The following FAM133B variants were observed in gnomAD, a reference collection of about 807,000 sequenced individuals.
FAM133B encodes family with sequence similarity 133 member B.
FAM133B carries 25 observed loss-of-function variants against 46.4 expected under a neutral mutation model. The ratio of observed to expected loss-of-function variants is 0.54; its 90% CI spans 0.39 to 0.75. The LOEUF (loss-of-function observed/expected upper bound fraction) is 0.75, where lower values mean the gene tolerates loss of function less well. Ranked by LOEUF, FAM133B falls within the 30% of genes least tolerant of loss-of-function variation. The probability of loss-of-function intolerance (pLI) is 0.00; values close to 1 mark genes in which losing one functional copy is unlikely to be tolerated. For synonymous variants in FAM133B, 75 were observed against 86.0 expected (o/e 0.87, Z 0.71); for missense variants, 205 against 277.6 (o/e 0.74, Z 1.86).
chr7:92,575,637 T>G (rs1329942057), intron 8 of FAM133B, 134 bp downstream of exon 8: 3 of 438,546 alleles, frequency 6.8e-6, no homozygotes, highest in Non-Finnish European at 1.2e-5. Flanking sequence ...AATTAAAAAT[T>G]GCTTTAAATT....
At chr7:92,588,758 T>C (rs1416114707) in intron 1 of FAM133B, among the ~76,000 whole-genome samples, 1 of 152,148 alleles carries the variant, frequency 6.6e-6, no homozygotes, top group Non-Finnish European at 1.5e-5. Context: ...TCCCCAGCAC[T>C]GCATAGAGAT....
intron 1 of FAM133B, 124 bp downstream of exon 1, chr7:92,590,144 G>C (rs1795156958): frequency 6.9e-7 from 1 of 1,453,926 alleles, no homozygotes; most frequent in African/African-American, 1.4e-5. Context: ...AGGGTGCTGG[G>C]TCTCCAGGCC....
chr7:92,581,905 C>T (rs1047337463), intron 1 of FAM133B: 3 of 254,120 alleles, frequency 1.2e-5, no homozygotes, highest in African/African-American at 2.3e-5. Flanking sequence ...TCTCCTAAAG[C>T]CCAGTAACCC....
chr7:92,571,497 T>C (rs953747182), intron 8 of FAM133B, among the ~76,000 whole-genome samples: 7 of 152,194 alleles, frequency 4.6e-5, no homozygotes, highest in Non-Finnish European at 1.0e-4. Context: ...ATTTGAAATA[T>C]ATGGTCAAAA....
chr7:92,568,643 T>C (rs1357478781), intron 9 of FAM133B, among the ~76,000 whole-genome samples: 1 of 151,582 alleles, frequency 6.6e-6, no homozygotes, highest in East Asian at 1.9e-4. Context: ...GCTGGGATTA[T>C]AAGCACGAGC....
chr7:92,579,176 G>C (rs74591953), intron 3 of FAM133B, 141 bp downstream of exon 3: 101 of 621,578 alleles, frequency 1.6e-4, no homozygotes, highest in African/African-American at 8.5e-4. Flanking sequence ...AGGGCGGCGG[G>C]GGGGGGCCTT....
At chr7:92,566,784 C>T (rs755549313) in intron 9 of FAM133B, among the ~76,000 whole-genome samples, 1 of 152,208 alleles carries the variant, frequency 6.6e-6, no homozygotes, top group Non-Finnish European at 1.5e-5. Flanking sequence ...TTCTCTCACT[C>T]TATGGTGCTC....
rs113560614 is a variant in FAM133B, at chr7:92,579,173, CGGGG to C, written c.201+140_201+143del. On this transcript the variant is annotated intron_variant, in intron 3 of 10. Coordinates refer to ENST00000445716, the MANE Select transcript of FAM133B (RefSeq NM_152789.4). ...TTTTTTTTAATGGAGACAAGGGCGG[CGGGG>C]GGGGGCCTTACTTTGTTGCCCAGGC... is the stretch of plus-strand genomic sequence containing the variant. The C allele has an allele frequency of 7.2e-5, 44 of 610,862 alleles. 1 individual carries two copies. The highest frequency in any genetic ancestry group is 5.1e-4 in the African/African-American group (26 of 51,122). 37.8% of individuals were successfully genotyped at this position (610,862 alleles called of 1,614,324 possible). A position where few individuals can be genotyped will look rare whatever the true frequency, so the allele number is the denominator to read the frequency against.
Position 92,562,263 on chromosome 7 carries a change from A to G in FAM133B, c.*19T>C. 1 of 1,519,810 alleles carries G rather than the reference A, an allele frequency of 6.6e-7. No homozygotes were observed. The highest frequency in any genetic ancestry group is 8.8e-7 in the Non-Finnish European group (1 of 1,142,520). The allele number at this position is 1,519,810 out of a possible 1,614,324, so 94.1% of individuals were successfully genotyped here. A position where few individuals can be genotyped will look rare whatever the true frequency, so the allele number is the denominator to read the frequency against. On this transcript the variant is annotated 3_prime_UTR_variant, in exon 11 of 11. Transcript: ENST00000445716. ...GACATTGCACTTTCTTTATAAGGGA[A>G]TCCTGATTTTTCTTAATGTTATGGT... is the stretch of plus-strand genomic sequence containing the variant.
intron 7 of FAM133B, among the ~76,000 whole-genome samples, chr7:92,576,626 T>C (rs1794704683): frequency 6.6e-6 from 1 of 152,182 alleles, no homozygotes; most frequent in Non-Finnish European, 1.5e-5. Context: ...ACTCTGGAGG[T>C]AGGGCTCAGG....
At chr7:92,565,489 A>G (rs1175649969) in intron 10 of FAM133B, 2 of 148,462 alleles carry the variant, frequency 1.3e-5, no homozygotes, top group East Asian at 2.0e-4. Context: ...TTTGAGACGG[A>G]GTCGCACTCT....
intron 9 of FAM133B, among the ~76,000 whole-genome samples, chr7:92,566,680 G>A (rs1211709177): frequency 6.6e-6 from 1 of 152,052 alleles, no homozygotes; most frequent in Non-Finnish European, 1.5e-5. Context: ...AAATGAGATA[G>A]ATTCCAAGGT....
At chr7:92,565,658 TTTCACC>T (rs1794324777) in intron 10 of FAM133B, 1 of 181,800 alleles carries the variant, frequency 5.5e-6, no homozygotes, top group Non-Finnish European at 1.2e-5. Context: ...AGAGACGGGG[TTTCACC>T]GTGTTAGCCA....
intron 9 of FAM133B, among the ~76,000 whole-genome samples, chr7:92,567,013 C>T (rs1794371598): frequency 6.6e-6 from 1 of 152,102 alleles, no homozygotes; most frequent in Admixed American, 6.5e-5. Flanking sequence ...GAGTTCAAGA[C>T]CAGCCTGGGT....
At chr7:92,590,082 A>C in intron 1 of FAM133B, 186 bp downstream of exon 1, 1 of 726,672 alleles carries the variant, frequency 1.4e-6, no homozygotes, top group Non-Finnish European at 2.2e-6. Flanking sequence ...GAGAGCTGGG[A>C]ACCCTAAAGC....
At chr7:92,563,046 A>G (rs565607521) in intron 10 of FAM133B, among the ~76,000 whole-genome samples, 3 of 152,296 alleles carry the variant, frequency 2.0e-5, no homozygotes, top group African/African-American at 7.2e-5. Flanking sequence ...TGACTCTCCT[A>G]TTTTTGTTAT....
At chr7:92,565,749 C>T (rs1794328418) in intron 10 of FAM133B, 2 of 413,788 alleles carry the variant, frequency 4.8e-6, no homozygotes, top group African/African-American at 2.0e-5. Flanking sequence ...AGGCGTGAGA[C>T]ACAGCGCCCA....
intron 8 of FAM133B, among the ~76,000 whole-genome samples, chr7:92,573,185 G>C (rs76946241): frequency 8.3e-6 from 1 of 120,618 alleles, no homozygotes; most frequent in African/African-American, 3.0e-5. Flanking sequence ...TTTTTTTTTA[G>C]AGATGGGGGT....
chr7:92,578,332 G>A lies in FAM133B; in HGVS notation c.263C>T (p.Ser88Phe). ...AAGTGGTATTACCTGTCTTTTTTTG[G>A]ATGAGCTCTCACTTCCACTTAACAA... The part of the protein sequence containing the change: ...EKLLSGSESS[S>F]KKRQRKKKEK... Residue 88 changes from serine (S) to phenylalanine (F), a missense_variant, in exon 4 of 11, where the codon TCC becomes TTC. Ser to Phe is a radical substitution (Grantham distance 155). Coordinates refer to ENST00000445716, the MANE Select transcript of FAM133B (RefSeq NM_152789.4). 1 of 1,613,078 alleles carries A rather than the reference G, an allele frequency of 6.2e-7. No homozygotes were observed.
Sources: gnomAD v4.1 joint callset for allele counts (sites outside exome capture counted in the v4.1 genomes callset) on GRCh38, gnomAD v4.1.1 for gene constraint, MANE v1.5 for transcripts, NCBI Gene and HGNC (gene_info 2026-07-23, HGNC 2026-07-21) for gene names.